Variants in NTM observed in about 807,000 individuals in gnomAD.
NTM encodes neurotrimin.
Under a neutral mutation model 42.1 loss-of-function variants are expected in NTM, and 13 were observed. The ratio of observed to expected loss-of-function variants is 0.31; its 90% CI spans 0.20 to 0.49. NTM has a LOEUF of 0.49. Ranked by LOEUF, NTM falls within the 20% of genes least tolerant of loss-of-function variation. NTM has a pLI of 0.99. For missense variants in NTM, 373 were observed against 452.8 expected, an observed-to-expected ratio of 0.82 and a Z score of 1.60; for synonymous variants, 187 against 179.2, an observed-to-expected ratio of 1.04 and a Z score of -0.35.
intron 2 of NTM, among the ~76,000 whole-genome samples, chr11:132,123,461 A>G (rs915245884): frequency 1.5e-4 from 23 of 152,212 alleles, no homozygotes; most frequent in African/African-American, 5.5e-4. Flanking sequence ...AGTGTCAGTT[A>G]TGGCATGTCT....
At chr11:131,879,734 G>C (rs141320968) in intron 1 of NTM, among the ~76,000 whole-genome samples, 1 of 71,006 alleles carries the variant, frequency 1.4e-5, no homozygotes, top group Non-Finnish European at 2.7e-5. Context: ...AGGTCTTGTG[G>C]ATAAACTTCC....
intron 2 of NTM, among the ~76,000 whole-genome samples, chr11:131,918,037 C>G (rs1489897386): frequency 3.3e-5 from 5 of 152,212 alleles, no homozygotes; most frequent in African/African-American, 1.2e-4. Flanking sequence ...AAAACGTCTC[C>G]TTTCTCCCTC....
At chr11:132,159,790 G>A (rs2137581926) in intron 3 of NTM, among the ~76,000 whole-genome samples, 1 of 152,300 alleles carries the variant, frequency 6.6e-6, no homozygotes, top group South Asian at 2.1e-4. Context: ...GTGGGTGTGG[G>A]GGTAGAACTG....
At chr11:132,279,199 C>T (rs1263955257) in intron 4 of NTM, among the ~76,000 whole-genome samples, 2 of 152,186 alleles carry the variant, frequency 1.3e-5, no homozygotes, top group Admixed American at 1.3e-4. Flanking sequence ...CAAGTCCCAT[C>T]AATTAATTCT....
intron 1 of NTM, among the ~76,000 whole-genome samples, chr11:131,885,592 C>G (rs191064771): frequency 6.6e-6 from 1 of 152,180 alleles, no homozygotes; most frequent in Non-Finnish European, 1.5e-5. Context: ...GAGCCTGCCC[C>G]CACCCCATCC....
intron 2 of NTM, among the ~76,000 whole-genome samples, chr11:132,011,953 A>G (rs1176968065): frequency 6.6e-6 from 1 of 152,204 alleles, no homozygotes; most frequent in East Asian, 1.9e-4. Flanking sequence ...TTCTCACAGC[A>G]CTTAGATTTT....
At chr11:132,134,449 C>T (rs1241125299) in intron 2 of NTM, among the ~76,000 whole-genome samples, 1 of 151,664 alleles carries the variant, frequency 6.6e-6, no homozygotes, top group Non-Finnish European at 1.5e-5. Flanking sequence ...ACAGTGTACC[C>T]AAGGTGTTGT....
In NTM at chr11:131,954,791, T is replaced by A. The variant is rs145479791; in HGVS notation, c.167+43143T>A. Among the ~76,000 whole-genome samples, 541 of 152,350 alleles carry A rather than the reference T, an allele frequency of 3.6e-3. 1 individual carries two copies. Among genetic ancestry groups the A allele is most frequent in the African/African-American group, 0.012 (493 of 41,578 alleles). ...CTTCTGTCGGTATTTTCTACAGTTATGTAGTTATATTTTTCATTTAAAAAA... is the reference window on the plus strand; with the variant it reads ...CTTCTGTCGGTATTTTCTACAGTTAAGTAGTTATATTTTTCATTTAAAAAA... On this transcript the variant is annotated intron_variant, in intron 2 of 8. Transcript: ENST00000683400.
chr11:131,636,353 C>A (rs1366378746), intron 1 of NTM, among the ~76,000 whole-genome samples: 2 of 152,076 alleles, frequency 1.3e-5, no homozygotes, highest in African/African-American at 2.4e-5. Flanking sequence ...GTTCCAGGAC[C>A]CCCACAAATA....
At chr11:131,397,056 G>A (rs1389634382) in intron 1 of NTM, among the ~76,000 whole-genome samples, 3 of 152,146 alleles carry the variant, frequency 2.0e-5, no homozygotes, top group African/African-American at 4.8e-5. Context: ...GGAAAAAGTG[G>A]TCCTGTTTTG....
At chr11:131,470,320 G>C (rs1319253239) in intron 1 of NTM, among the ~76,000 whole-genome samples, 1 of 152,174 alleles carries the variant, frequency 6.6e-6, no homozygotes, top group Admixed American at 6.5e-5. Flanking sequence ...CCAGCAAGGA[G>C]GTGCCCTAGA....
chr11:131,788,270 C>A (rs2089595650), intron 1 of NTM, among the ~76,000 whole-genome samples: 1 of 151,746 alleles, frequency 6.6e-6, no homozygotes, highest in Non-Finnish European at 1.5e-5. Flanking sequence ...TGAACTATGC[C>A]AACTTAAAAA....
At chr11:132,058,651 T>C (rs556917806) in intron 2 of NTM, among the ~76,000 whole-genome samples, 1 of 152,164 alleles carries the variant, frequency 6.6e-6, no homozygotes, top group African/African-American at 2.4e-5. Context: ...TTTGTGTGGG[T>C]TTGGCTGGGG....
chr11:132,161,930 G>T (rs1287984842), intron 3 of NTM, among the ~76,000 whole-genome samples: 2 of 152,122 alleles, frequency 1.3e-5, no homozygotes, highest in African/African-American at 4.8e-5. Flanking sequence ...TCTTGAAATT[G>T]AGCTGCAGTT....
intron 1 of NTM, among the ~76,000 whole-genome samples, chr11:131,896,834 G>C (rs934762486): frequency 6.6e-6 from 1 of 151,826 alleles, no homozygotes; most frequent in Non-Finnish European, 1.5e-5. Context: ...GACTACAGGC[G>C]CCCGCCACCA....
At chr11:131,968,787 A>T (rs1029644074) in intron 2 of NTM, among the ~76,000 whole-genome samples, 1 of 152,160 alleles carries the variant, frequency 6.6e-6, no homozygotes, top group African/African-American at 2.4e-5. Flanking sequence ...TGCATTTCGT[A>T]TAGAGCTTTT....
chr11:132,186,998 T>A (rs907242857), intron 3 of NTM, among the ~76,000 whole-genome samples: 2 of 152,166 alleles, frequency 1.3e-5, no homozygotes, highest in African/African-American at 4.8e-5. Flanking sequence ...ACTCCGTGTC[T>A]AGGAGAACAT....
At position 132,020,879 on chromosome 11, in the gene NTM, CT is replaced by C. The variant is rs1291709307; in HGVS notation, c.167+109236del. ...GATGATTATATGTCAAGGTGTGGCT[CT>C]TTTTGTAGTTATCCTACCTTGGATT... is the stretch of plus-strand genomic sequence containing the variant. On this transcript the variant is annotated intron_variant, in intron 2 of 8. Transcript: ENST00000683400. 1.3e-4 allele frequency among the ~76,000 whole-genome samples: 20 copies of C among 151,992 alleles called. 1 individual carries two copies. The South Asian group carries it at 4.2e-3, about 32-fold the overall frequency.
chr11:131,998,790 G>A lies in NTM; in HGVS notation c.167+87142G>A, dbSNP rs78349010. On this transcript the variant is annotated intron_variant, in intron 2 of 8. Transcript: ENST00000683400. The stretch of plus-strand genomic sequence containing the variant: ...ATACCCCTACAGTGGGCCAGTGCAG[G>A]GCAAGAATGATCGGTGGGGATGCCA... Among the ~76,000 whole-genome samples, 583 of 152,166 alleles carry A rather than the reference G, an allele frequency of 3.8e-3. 9 individuals are homozygous for A. The highest frequency in any genetic ancestry group is 0.013 in the African/African-American group (556 of 41,516).
Sources: gnomAD v4.1 joint callset for allele counts (sites outside exome capture counted in the v4.1 genomes callset) on GRCh38, gnomAD v4.1.1 for gene constraint, MANE v1.5 for transcripts, NCBI Gene and HGNC (gene_info 2026-07-23, HGNC 2026-07-21) for gene names.